Variants in PCNX2 observed in about 807,000 individuals in gnomAD.
PCNX2 encodes the protein pecanex 2.
In PCNX2, 168 loss-of-function variants were observed where a neutral mutation model predicts 223.8. The ratio of observed to expected loss-of-function variants is 0.75; its 90% CI spans 0.66 to 0.85. PCNX2 has a LOEUF of 0.85. PCNX2 is among the 40% of genes least tolerant of loss of function. PCNX2 has a pLI of 0.00. For synonymous variants in PCNX2, 1,006 were observed against 1,052.6 expected (o/e 0.96, Z 0.86); for missense variants, 2,507 against 2,675.5 (o/e 0.94, Z 1.39).
Position 233,065,818 on chromosome 1 carries a change from T to G in PCNX2, c.4077-8528A>C, listed in dbSNP as rs189088696. Among the ~76,000 whole-genome samples, 577 of 152,284 alleles carry G rather than the reference T, an allele frequency of 3.8e-3. 4 individuals carry two copies. Among genetic ancestry groups the G allele is most frequent in the African/African-American group, 0.014 (562 of 41,548 alleles). On this transcript the variant is annotated intron_variant, in intron 23 of 33. Coordinates refer to ENST00000258229, the MANE Select transcript of PCNX2 (RefSeq NM_014801.4). ...AGATAAAACCATAGCCCTATGCCTA[T>G]CTGTATCAGTGATAGCAGCAGAAGG...
chr1:233,107,410 A>G (rs1413856137), intron 21 of PCNX2, among the ~76,000 whole-genome samples: 2 of 152,114 alleles, frequency 1.3e-5, no homozygotes, highest in East Asian at 3.8e-4. Flanking sequence ...AAACAAACAA[A>G]CAAACAAAAA....
At chr1:233,196,228 A>G (rs1266591147) in intron 15 of PCNX2, among the ~76,000 whole-genome samples, 1 of 152,148 alleles carries the variant, frequency 6.6e-6, no homozygotes, top group Admixed American at 6.5e-5. Context: ...TCAAATCTAA[A>G]TATAAGTATA....
Position 232,999,677 on chromosome 1 carries a change from C to T in PCNX2, c.5329-298G>A. ...CCGTGTTGGTCAGGCTGGTCTCGAACTCTTGACCTCAGGTGATCCACACGC... is the reference window on the plus strand; with the variant it reads ...CCGTGTTGGTCAGGCTGGTCTCGAATTCTTGACCTCAGGTGATCCACACGC... On this transcript the variant is annotated intron_variant, in intron 30 of 33. Transcript: ENST00000258229. The T allele has an allele frequency of 1.3e-5, 4 of 301,950 alleles. No homozygotes were observed. The South Asian group carries it at 1.6e-4, about 12-fold the overall frequency. The allele number at this position is 301,950 out of a possible 1,614,324, so 18.7% of individuals were successfully genotyped here.
chr1:233,059,815 T>C lies in PCNX2; in HGVS notation c.4077-2525A>G, dbSNP rs191142414. On this transcript the variant is annotated intron_variant, in intron 23 of 33. Transcript: ENST00000258229. ...TAAACATGATCATTGACATATTCTG[T>C]ATAATTTAATAAATGAAAAGCACTT... 5.3e-5 allele frequency among the ~76,000 whole-genome samples: 8 copies of C among 152,340 alleles called. No homozygotes were observed. In the East Asian group the frequency reaches 1.5e-3, roughly 29 times the overall value.
intron 21 of PCNX2, among the ~76,000 whole-genome samples, chr1:233,123,134 G>C (rs1001947794): frequency 3.3e-5 from 5 of 152,114 alleles, no homozygotes; most frequent in Admixed American, 3.3e-4. Context: ...AACTTTAATA[G>C]TAACACACTA....
intron 23 of PCNX2, among the ~76,000 whole-genome samples, chr1:233,064,345 A>C (rs1486035612): frequency 6.6e-6 from 1 of 152,206 alleles, no homozygotes; most frequent in Non-Finnish European, 1.5e-5. Flanking sequence ...TTGAACTCCA[A>C]GCCCGCATGT....
chr1:233,306,784 G>C, the PCNX2 span, among the ~76,000 whole-genome samples: 1 of 152,136 alleles, frequency 6.6e-6, no homozygotes, highest in Non-Finnish European at 1.5e-5. Flanking sequence ...ATTCTGAAGG[G>C]GCAATTTATT....
intron 26 of PCNX2, 67 bp downstream of exon 26, chr1:233,025,079 G>A (rs1671032545): frequency 1.3e-6 from 2 of 1,579,790 alleles, no homozygotes; most frequent in Admixed American, 3.4e-5. Flanking sequence ...TTTCGACAGA[G>A]CTCTTTCGGA....
intron 21 of PCNX2, among the ~76,000 whole-genome samples, chr1:233,106,759 T>A (rs1674811812): frequency 6.6e-6 from 1 of 152,178 alleles, no homozygotes; most frequent in African/African-American, 2.4e-5. Flanking sequence ...ACATGGTATT[T>A]CAGCAAGATA....
At chr1:233,140,865 C>A (rs73105191) in intron 19 of PCNX2, among the ~76,000 whole-genome samples, 3,673 of 152,246 alleles carry the variant, frequency 0.024, 158 homozygotes, top group African/African-American at 0.083. Flanking sequence ...TTCCCTGCCC[C>A]CTCCTCTCTG....
intron 14 of PCNX2, among the ~76,000 whole-genome samples, chr1:233,199,539 A>G (rs1330283564): frequency 1.3e-5 from 2 of 152,086 alleles, no homozygotes; most frequent in East Asian, 1.9e-4. Context: ...CTTTATAGCA[A>G]CCCTATGAGG....
At position 233,211,689 on chromosome 1, in the gene PCNX2, C is replaced by T. The variant is rs146032806; in HGVS notation, c.2692-3000G>A. On this transcript the variant is annotated intron_variant, in intron 12 of 33. Transcript: ENST00000258229. ...AAGGACTGGAGCCCCATTTGCCTGG[C>T]TTCCTCTACCAACCATGGGGAGGCA... The T allele has an allele frequency of 4.7e-6, 4 of 851,016 alleles. No individual in the cohort carries two copies. In the South Asian group the frequency reaches 1.6e-4, roughly 34 times the overall value. The allele number at this position is 851,016 out of a possible 1,614,324, so 52.7% of individuals were successfully genotyped here.
intron 21 of PCNX2, among the ~76,000 whole-genome samples, chr1:233,097,766 A>G (rs1242958650): frequency 6.6e-6 from 1 of 152,224 alleles, no homozygotes; most frequent in Non-Finnish European, 1.5e-5. Context: ...CAAGAAACGG[A>G]TAGTTCTAAC....
chr1:233,021,588 A>C (rs6424264), intron 26 of PCNX2, among the ~76,000 whole-genome samples: 1 of 151,994 alleles, frequency 6.6e-6, no homozygotes, highest in Non-Finnish European at 1.5e-5. Flanking sequence ...ACTAGCTTGC[A>C]GGGGAGGAGG....
intron 27 of PCNX2, among the ~76,000 whole-genome samples, chr1:233,015,767 G>A (rs1472730425): frequency 6.6e-6 from 1 of 152,044 alleles, no homozygotes; most frequent in East Asian, 1.9e-4. Context: ...CCATCTACTA[G>A]GGAGGTTAGG....
chr1:233,026,376 T>C (rs1218693880), intron 25 of PCNX2, among the ~76,000 whole-genome samples: 1 of 152,112 alleles, frequency 6.6e-6, no homozygotes, highest in Non-Finnish European at 1.5e-5. Flanking sequence ...AGCAGAGAGG[T>C]AGCCAGGGGC....
At chr1:233,240,644 T>C (rs981131884) in intron 8 of PCNX2, among the ~76,000 whole-genome samples, 5 of 152,192 alleles carry the variant, frequency 3.3e-5, no homozygotes, top group African/African-American at 9.7e-5. Flanking sequence ...TTAAGCTAGA[T>C]TGAGCTCCAA....
intron 1 of PCNX2, among the ~76,000 whole-genome samples, chr1:233,266,107 T>C (rs1347066983): frequency 2.6e-5 from 4 of 152,220 alleles, no homozygotes; most frequent in African/African-American, 9.6e-5. Flanking sequence ...CAGACCATAG[T>C]GGGAGACAGA....
At chr1:233,300,263 T>C (rs1662237649), upstream of PCNX2, among the ~76,000 whole-genome samples, 1 of 152,246 alleles carries the variant, frequency 6.6e-6, no homozygotes, top group South Asian at 2.1e-4. Flanking sequence ...CATAGTGTTC[T>C]ATGTAGAATT....
Sources: gnomAD v4.1 joint callset for allele counts (sites outside exome capture counted in the v4.1 genomes callset) on GRCh38, gnomAD v4.1.1 for gene constraint, MANE v1.5 for transcripts, NCBI Gene and HGNC (gene_info 2026-07-23, HGNC 2026-07-21) for gene names.